IGF2R: variants seen among roughly 807,000 people sequenced by gnomAD.
The protein encoded by IGF2R is insulin like growth factor 2 receptor.
A neutral mutation model predicts 270.6 loss-of-function variants in IGF2R; 91 were observed. That is an observed-to-expected ratio of 0.34 (90% CI 0.28 to 0.40). The LOEUF is 0.40. IGF2R is among the 10% of genes least tolerant of loss of function. The pLI, the probability that IGF2R is intolerant of heterozygous loss-of-function variation, is 1.00. For missense variants in IGF2R, 2,805 were observed against 3,188.3 expected, an observed-to-expected ratio of 0.88 and a Z score of 2.90; for synonymous variants, 1,316 against 1,258.9, an observed-to-expected ratio of 1.05 and a Z score of -0.96.
Position 160,029,588 on chromosome 6 carries a change from T to G in IGF2R, c.815T>G (p.Leu272Arg), listed in dbSNP as rs1777645996. The change falls in exon 7 of 48, where the codon CTA becomes CGA. Residue 272 changes from leucine (L) to arginine (R), a missense_variant. Physicochemically the swap from Leu to Arg is moderately radical, Grantham distance 102. Transcript: ENST00000356956. ...TACGTGAGGGAAGAGGCAGGAAAGC[T>G]AGACTTTTGTGATGGTCACAGCCCT... ...LSYVREEAGKLDFCDGHSPAV... is the reference protein window; with the variant it reads ...LSYVREEAGKRDFCDGHSPAV... 1 of 1,614,044 alleles carries G rather than the reference T, an allele frequency of 6.2e-7. No individual in the cohort carries two copies. Among genetic ancestry groups the G allele is most frequent in the South Asian group, 1.1e-5 (1 of 91,088 alleles).
At chr6:159,992,466 A>C (rs1783993583) in intron 2 of IGF2R, among the ~76,000 whole-genome samples, 1 of 152,056 alleles carries the variant, frequency 6.6e-6, no homozygotes, top group South Asian at 2.1e-4. Flanking sequence ...AACATGTGGT[A>C]TTTGGTGTTC....
chr6:160,078,999 G>A (rs1004937045), intron 37 of IGF2R, among the ~76,000 whole-genome samples: 1 of 152,326 alleles, frequency 6.6e-6, no homozygotes, highest in South Asian at 2.1e-4. Flanking sequence ...TGCCTGGACT[G>A]GGGTACGGAA....
In IGF2R at chr6:160,050,721, TC is replaced by T; in HGVS notation, c.2694+70del. ...TTGACTGAGCGTTGCCTTATGTGTC[TC>T]TTAACAGCAGCAGTCTTGGGGTGGG... is the stretch of plus-strand genomic sequence containing the variant. On this transcript the variant is annotated intron_variant, in intron 19 of 47. Transcript: ENST00000356956. This position sits in a 1 kb window ranked among gnomAD's most constrained non-coding sequence, Gnocchi z 4.0. 1.4e-6 allele frequency: 2 copies of T among 1,395,070 alleles called. No individual in the cohort carries two copies. Among genetic ancestry groups the T allele is most frequent in the Non-Finnish European group, 9.8e-7 (1 of 1,025,566 alleles). 86.4% of individuals were successfully genotyped at this position (1,395,070 alleles called of 1,614,324 possible).
At chr6:159,974,973 A>G (rs1783666008) in intron 1 of IGF2R, among the ~76,000 whole-genome samples, 1 of 152,216 alleles carries the variant, frequency 6.6e-6, no homozygotes, top group Non-Finnish European at 1.5e-5. Context: ...CATTCCATGA[A>G]CAGTCATCAA....
rs771458297 is a variant in IGF2R at position 160,096,428 on chromosome 6, C to T, written c.6656-11C>T. On this transcript the variant is annotated splice_polypyrimidine_tract_variant and intron_variant, in intron 44 of 47. Coordinates refer to ENST00000356956, the MANE Select transcript of IGF2R (RefSeq NM_000876.4). ...TGGTGACATGCCATGTGTGCCCTTC[C>T]CGTTTGACAGACGGCGATCTCGATG... 6.2e-7 allele frequency: 1 copy of T among 1,606,324 alleles called. No homozygotes were observed. Among genetic ancestry groups the T allele is most frequent in the Non-Finnish European group, 8.5e-7 (1 of 1,174,832 alleles).
At chr6:160,036,294 A>G (rs1049187086) in intron 10 of IGF2R, among the ~76,000 whole-genome samples, 3 of 151,890 alleles carry the variant, frequency 2.0e-5, no homozygotes, top group African/African-American at 4.8e-5. Flanking sequence ...CTCCTAGCCT[A>G]CCTACGCTAC....
intron 19 of IGF2R, 151 bp from the exon 20 acceptor site, chr6:160,056,273 G>C: frequency 3.2e-6 from 2 of 629,816 alleles, no homozygotes; most frequent in Non-Finnish European, 5.8e-6. Context: ...ATTCTAATTA[G>C]GTAATGCACA....
intron 13 of IGF2R, 137 bp from the exon 14 acceptor site, chr6:160,045,608 C>A: frequency 2.1e-6 from 2 of 936,268 alleles, no homozygotes; most frequent in Non-Finnish European, 3.4e-6. Context: ...ATTTGTAGGG[C>A]TGTTTTTTGA....
chr6:160,016,381 C>T (rs1448062231), intron 4 of IGF2R, among the ~76,000 whole-genome samples: 1 of 152,202 alleles, frequency 6.6e-6, no homozygotes, highest in Non-Finnish European at 1.5e-5. Flanking sequence ...CCAGCTCCAC[C>T]CAGCTTTCCT....
intron 4 of IGF2R, among the ~76,000 whole-genome samples, chr6:160,020,704 C>T (rs1167737241): frequency 6.6e-6 from 1 of 152,192 alleles, no homozygotes; most frequent in Admixed American, 6.5e-5. Context: ...AAAGGACACC[C>T]TATTTAGTAA....
intron 38 of IGF2R, 130 bp downstream of exon 38, chr6:160,079,917 G>C (rs914022633): frequency 1.0e-6 from 1 of 990,946 alleles, no homozygotes. Context: ...GCGTGAATGT[G>C]AGCTGTTCCT....
chr6:160,087,921 C>G (rs956557455), intron 41 of IGF2R, 112 bp from the exon 42 acceptor site: 2 of 682,652 alleles, frequency 2.9e-6, no homozygotes, highest in Non-Finnish European at 5.4e-6. Context: ...AGTGATCTGC[C>G]CTCTTTGGTT....
intron 10 of IGF2R, 125 bp downstream of exon 10, chr6:160,034,647 G>A: frequency 1.7e-6 from 1 of 578,988 alleles, no homozygotes; most frequent in Non-Finnish European, 3.1e-6. Flanking sequence ...CTTTGGACTG[G>A]CCAGCTCTAG....
At chr6:160,040,373 G>A (rs1310731701) in intron 10 of IGF2R, among the ~76,000 whole-genome samples, 187 bp from the exon 11 acceptor site, 1 of 152,184 alleles carries the variant, frequency 6.6e-6, no homozygotes, top group African/African-American at 2.4e-5. Context: ...AGGACTTAGG[G>A]TTAAGCATCT....
chr6:160,047,379 T>G, intron 16 of IGF2R, 43 bp downstream of exon 16: 1 of 1,476,356 alleles, frequency 6.8e-7, no homozygotes, highest in South Asian at 1.3e-5. Flanking sequence ...AGGATACTCA[T>G]GCCTGTGGTG....
intron 33 of IGF2R, 40 bp from the exon 34 acceptor site, chr6:160,073,173 T>A: frequency 6.3e-7 from 1 of 1,599,896 alleles, no homozygotes; most frequent in South Asian, 1.1e-5. Flanking sequence ...GGCCATCGAG[T>A]CTGTGATTGT....
chr6:160,093,401 AG>A (rs1779274505), intron 44 of IGF2R: 2 of 300,052 alleles, frequency 6.7e-6, no homozygotes, highest in Non-Finnish European at 1.3e-5. Context: ...CTGTTCCTGG[AG>A]GAGCTCCTGG....
intron 29 of IGF2R, among the ~76,000 whole-genome samples, chr6:160,066,466 T>G (rs1216487203): frequency 1.3e-5 from 2 of 152,170 alleles, no homozygotes; most frequent in African/African-American, 2.4e-5. Flanking sequence ...CTAAAGATAT[T>G]TTTATGCTAA....
At chr6:160,008,849 G>A (rs1268361909) in intron 2 of IGF2R, among the ~76,000 whole-genome samples, 161 bp from the exon 3 acceptor site, 1 of 152,134 alleles carries the variant, frequency 6.6e-6, no homozygotes, top group African/African-American at 2.4e-5. Context: ...AATGTAATGG[G>A]GATGCCACTC....
Sources: allele counts gnomAD v4.1 joint callset (sites outside exome capture counted in the v4.1 genomes callset), GRCh38; gene constraint gnomAD v4.1.1; non-coding constraint Gnocchi (gnomAD v3.1); transcripts MANE v1.5; gene names NCBI Gene and HGNC (gene_info 2026-07-23, HGNC 2026-07-21).